The following FOXP2 variants were observed in gnomAD, a reference collection of about 807,000 sequenced individuals.
The protein encoded by FOXP2 is forkhead box protein P2.
FOXP2 carries 12 observed loss-of-function variants against 115.8 expected under a neutral mutation model. The observed-to-expected ratio is 0.10, with a 90% confidence interval of 0.07 to 0.17. The LOEUF is 0.17. Among genes scored for constraint, FOXP2 ranks in the 10% least tolerant of loss-of-function variants. The pLI is 1.00. For synonymous variants in FOXP2, 328 were observed against 297.7 expected (o/e 1.10, Z -1.05); for missense variants, 629 against 843.5 (o/e 0.75, Z 3.15).
At chr7:114,338,308 A>G (rs1797907781) in intron 2 of FOXP2, among the ~76,000 whole-genome samples, 1 of 150,958 alleles carries the variant, frequency 6.6e-6, no homozygotes, top group African/African-American at 2.4e-5. Flanking sequence ...TCATCATTCA[A>G]TCCTCCCTGG....
chr7:114,656,833 C>G (rs137911498), intron 10 of FOXP2, among the ~76,000 whole-genome samples: 2 of 151,974 alleles, frequency 1.3e-5, no homozygotes, highest in Non-Finnish European at 2.9e-5. Context: ...AAAACAAATC[C>G]ACAAAGAAAG....
intron 16 of FOXP2, among the ~76,000 whole-genome samples, chr7:114,679,437 A>T (rs1489832644): frequency 1.3e-5 from 2 of 152,156 alleles, no homozygotes; most frequent in African/African-American, 4.8e-5. Context: ...AGTGTCCTAC[A>T]CTAAGCCTAT....
At chr7:114,403,502 A>C (rs1381050077) in intron 2 of FOXP2, among the ~76,000 whole-genome samples, 2 of 152,182 alleles carry the variant, frequency 1.3e-5, no homozygotes, top group East Asian at 1.9e-4. Flanking sequence ...TTATAAGTTA[A>C]CAGTCTTTTT....
At chr7:114,569,209 T>G (rs1360991338) in intron 3 of FOXP2, among the ~76,000 whole-genome samples, 1 of 151,952 alleles carries the variant, frequency 6.6e-6, no homozygotes. Flanking sequence ...AAAAATCGTG[T>G]GGCTTGTTTT....
At chr7:114,190,826 T>G (rs1411847323) in intron 1 of FOXP2, among the ~76,000 whole-genome samples, 1 of 152,054 alleles carries the variant, frequency 6.6e-6, no homozygotes. Context: ...AATAAACCAA[T>G]AAATATAAAA....
chr7:114,206,085 C>T (rs774499843), intron 1 of FOXP2, among the ~76,000 whole-genome samples: 1 of 152,118 alleles, frequency 6.6e-6, no homozygotes, highest in Non-Finnish European at 1.5e-5. Context: ...TGGTCCAAAC[C>T]ACCCGTCTTT....
chr7:114,443,774 A>C (rs1794711838), intron 2 of FOXP2, among the ~76,000 whole-genome samples: 1 of 152,168 alleles, frequency 6.6e-6, no homozygotes, highest in African/African-American at 2.4e-5. Flanking sequence ...AAGGCTGCAT[A>C]GTATGCCATT....
chr7:114,583,898 A>AT lies in FOXP2; in HGVS notation c.259-44634dup, dbSNP rs533664795. Among the ~76,000 whole-genome samples, 213 of 152,122 alleles carry AT rather than the reference A, an allele frequency of 1.4e-3. 1 individual carries two copies. The highest frequency in any genetic ancestry group is 0.01 in the Middle Eastern group (3 of 294). On this transcript the variant is annotated intron_variant, in intron 3 of 16. Coordinates refer to ENST00000350908, the MANE Select transcript of FOXP2 (RefSeq NM_014491.4). ...TGTTGTAGCTCTTCAAACTAAATTA[A>AT]TTTTTTTTCTCTTTTGCCCTTAACT...
rs572427498 is a variant in FOXP2, at chr7:114,189,398, A to G, written c.-102+26310A>G. Among the ~76,000 whole-genome samples, 34 of 152,318 alleles carry G rather than the reference A, an allele frequency of 2.2e-4. No individual in the cohort carries two copies. The South Asian group carries it at 6.8e-3, about 31-fold the overall frequency. On this transcript the variant is annotated intron_variant, in intron 1 of 17. Coordinates refer to the FOXP2 transcript ENST00000634411. ...ATTAACATAGAGGCTTCATTCCAGT[A>G]ATGTATAGATTTAGATGGTAAACCT...
intron 1 of FOXP2, among the ~76,000 whole-genome samples, chr7:114,197,593 A>G (rs1274448928): frequency 6.6e-6 from 1 of 152,154 alleles, no homozygotes; most frequent in Non-Finnish European, 1.5e-5. Flanking sequence ...TTTGAGGGGG[A>G]CATAATTCAG....
chr7:114,478,084 A>G (rs1796366759), intron 2 of FOXP2, among the ~76,000 whole-genome samples: 1 of 151,904 alleles, frequency 6.6e-6, no homozygotes, highest in Non-Finnish European at 1.5e-5. Flanking sequence ...CAGGAAGAAA[A>G]TGTAGTAGAG....
chr7:114,674,570 C>T (rs768573690), intron 16 of FOXP2, among the ~76,000 whole-genome samples: 26 of 151,982 alleles, frequency 1.7e-4, no homozygotes, highest in Non-Finnish European at 3.8e-4. Context: ...TTATGTCAAA[C>T]GTTATTTTAA....
At chr7:114,228,159 G>T (rs954637179) in intron 1 of FOXP2, among the ~76,000 whole-genome samples, 2 of 151,986 alleles carry the variant, frequency 1.3e-5, no homozygotes, top group Non-Finnish European at 2.9e-5. Flanking sequence ...TCAAATTAGA[G>T]GGTAAACTTC....
intron 1 of FOXP2, among the ~76,000 whole-genome samples, chr7:114,254,854 A>T (rs1795563024): frequency 6.6e-6 from 1 of 152,046 alleles, no homozygotes; most frequent in African/African-American, 2.4e-5. Context: ...GTTCCTTTGG[A>T]GGGGGAGACG....
intron 2 of FOXP2, among the ~76,000 whole-genome samples, chr7:114,332,476 T>C (rs996492734): frequency 1.3e-5 from 2 of 152,206 alleles, no homozygotes; most frequent in Admixed American, 6.5e-5. Flanking sequence ...CTATATAATA[T>C]ATACATTATA....
chr7:114,520,254 C>T (rs1313273500), intron 2 of FOXP2, among the ~76,000 whole-genome samples: 2 of 152,058 alleles, frequency 1.3e-5, no homozygotes, highest in Non-Finnish European at 2.9e-5. Flanking sequence ...CATGGAATCC[C>T]TCCCATCCCC....
chr7:114,485,757 G>T (rs1796745996), intron 2 of FOXP2, among the ~76,000 whole-genome samples: 1 of 152,094 alleles, frequency 6.6e-6, no homozygotes, highest in African/African-American at 2.4e-5. Context: ...AACCCTTTGA[G>T]ATGAGTACTG....
At chr7:114,641,191 T>C (rs903579299) in intron 6 of FOXP2, among the ~76,000 whole-genome samples, 5 of 152,196 alleles carry the variant, frequency 3.3e-5, no homozygotes, top group Non-Finnish European at 7.4e-5. Flanking sequence ...TGCTTAATCA[T>C]ACCAACTCTA....
At chr7:114,171,506 GA>G (rs1423724580) in intron 1 of FOXP2, among the ~76,000 whole-genome samples, 2 of 152,158 alleles carry the variant, frequency 1.3e-5, no homozygotes, top group Non-Finnish European at 1.5e-5. Flanking sequence ...CTGGGAGGTG[GA>G]GGCTGCAGTT....
Sources: gnomAD v4.1 joint callset for allele counts (sites outside exome capture counted in the v4.1 genomes callset) on GRCh38, gnomAD v4.1.1 for gene constraint, MANE v1.5 for transcripts, NCBI Gene and HGNC (gene_info 2026-07-23, HGNC 2026-07-21) for gene names.